Variants in PPFIA2 observed in about 807,000 individuals in gnomAD.
The protein encoded by PPFIA2 is liprin-alpha-2.
PPFIA2 carries 46 observed loss-of-function variants against 175.5 expected under a neutral mutation model. That is an observed-to-expected ratio of 0.26 (90% CI 0.21 to 0.34). The LOEUF (loss-of-function observed/expected upper bound fraction) is 0.34, where lower values mean the gene tolerates loss of function less well. PPFIA2 is among the 10% of genes least tolerant of loss of function. PPFIA2 has a pLI of 1.00. For synonymous variants in PPFIA2, 568 were observed against 511.4 expected (o/e 1.11, Z -1.49); for missense variants, 1,179 against 1,506.1 (o/e 0.78, Z 3.60).
Position 81,531,008 on chromosome 12 carries a change from GTTGT to G in PPFIA2, c.304-73146_304-73143del, listed in dbSNP as rs534185298. Among the ~76,000 whole-genome samples, 23 of 151,910 alleles carry G rather than the reference GTTGT, an allele frequency of 1.5e-4. 1 individual carries two copies. In the South Asian group the frequency reaches 4.6e-3, roughly 30 times the overall value. Reference sequence around the variant, plus strand: ...TCTGATTTCCCTTTTAATTATCTAAGTTGTTTGACAGACAACATCATAATAAATT... The same window carrying G: ...TCTGATTTCCCTTTTAATTATCTAAGTTGACAGACAACATCATAATAAATT... On this transcript the variant is annotated intron_variant, in intron 4 of 32. Transcript: ENST00000549396.
Position 81,347,611 on chromosome 12 carries a change from G to A in PPFIA2, c.2154C>T (p.Pro718=), listed in dbSNP as rs1481733902. 1.2e-6 allele frequency: 2 copies of A among 1,613,690 alleles called. No homozygotes were observed. Among genetic ancestry groups the A allele is most frequent in the Non-Finnish European group, 1.7e-6 (2 of 1,179,792 alleles). Residue 718 remains proline, a synonymous_variant, in exon 18 of 33, where the codon CCC becomes CCT. Transcript: ENST00000549396. ...GCTTTGGAGTTGAGTGTCCACTGGG[G>A]GGAGATGAACTGGCCAGCGATGAAG... ...VTASSLASSS[P]PSGHSTPKLT... is the part of the protein sequence containing the mutation.
At chr12:81,670,370 C>A (rs531285694) in intron 4 of PPFIA2, among the ~76,000 whole-genome samples, 24 of 151,838 alleles carry the variant, frequency 1.6e-4, no homozygotes, top group Non-Finnish European at 3.1e-4. Context: ...AACACTGTGG[C>A]CTCCCGGTTC....
intron 3 of PPFIA2, among the ~76,000 whole-genome samples, chr12:81,683,685 C>T (rs1346946214): frequency 6.6e-6 from 1 of 152,030 alleles, no homozygotes; most frequent in Non-Finnish European, 1.5e-5. Flanking sequence ...AGGCCTTTGC[C>T]CATGCTTTTC....
At chr12:81,634,387 T>C (rs538396252) in intron 4 of PPFIA2, among the ~76,000 whole-genome samples, 1 of 152,182 alleles carries the variant, frequency 6.6e-6, no homozygotes, top group South Asian at 2.1e-4. Flanking sequence ...ATGTTTGAGC[T>C]GTTTCATTTT....
At chr12:81,612,282 C>T (rs971215711) in intron 4 of PPFIA2, among the ~76,000 whole-genome samples, 3 of 152,090 alleles carry the variant, frequency 2.0e-5, no homozygotes, top group Non-Finnish European at 2.9e-5. Context: ...CTTTCACTCA[C>T]TCACTTGTAG....
intron 22 of PPFIA2, among the ~76,000 whole-genome samples, chr12:81,321,153 A>G (rs1921045): frequency 0.36 from 54,404 of 151,720 alleles, 10,649 homozygotes; most frequent in East Asian, 0.54. Flanking sequence ...AAGAAGAGCC[A>G]TAACTTCAAA....
At chr12:81,552,674 A>C (rs971373019) in intron 4 of PPFIA2, among the ~76,000 whole-genome samples, 1 of 152,042 alleles carries the variant, frequency 6.6e-6, no homozygotes, top group African/African-American at 2.4e-5. Context: ...GCTTTCCAAA[A>C]TGATAATAAT....
At chr12:81,647,621 C>T (rs1054329263) in intron 4 of PPFIA2, among the ~76,000 whole-genome samples, 50 of 150,960 alleles carry the variant, frequency 3.3e-4, no homozygotes, top group Admixed American at 1.9e-3. Context: ...ATTAGCCGGG[C>T]GTGGTGGCGG....
intron 22 of PPFIA2, among the ~76,000 whole-genome samples, chr12:81,301,543 T>G (rs1997441): frequency 0.91 from 138,121 of 152,136 alleles, 63,406 homozygotes; most frequent in South Asian, 0.98. Context: ...GAGTGATCCT[T>G]TTGAGTCTGA....
At position 81,358,277 on chromosome 12, in the gene PPFIA2, T is replaced by C; in HGVS notation, c.1638-60A>G. ...TCAAAAATTAAACTTACCAGGAAATTACTATCTGCTGTTTTACTGGCAATA... is the reference window on the plus strand; with the variant it reads ...TCAAAAATTAAACTTACCAGGAAATCACTATCTGCTGTTTTACTGGCAATA... On this transcript the variant is annotated intron_variant, in intron 15 of 32. Coordinates refer to ENST00000549396, the MANE Select transcript of PPFIA2 (RefSeq NM_003625.5). 3 of 1,455,274 alleles carry C rather than the reference T, an allele frequency of 2.1e-6. No individual in the cohort carries two copies. In the Middle Eastern group the frequency reaches 6.1e-4, roughly 297 times the overall value. The allele number at this position is 1,455,274 out of a possible 1,614,324, so 90.1% of individuals were successfully genotyped here. A position where few individuals can be genotyped will look rare whatever the true frequency, so the allele number is the denominator to read the frequency against.
At chr12:81,268,517 C>T (rs1347449426) in intron 28 of PPFIA2, among the ~76,000 whole-genome samples, 1 of 152,186 alleles carries the variant, frequency 6.6e-6, no homozygotes, top group Non-Finnish European at 1.5e-5. Context: ...GATTCATCCA[C>T]ACTCTAATCC....
At chr12:81,369,300 CAT>C in intron 11 of PPFIA2, 106 bp from the exon 12 acceptor site, 1 of 1,529,020 alleles carries the variant, frequency 6.5e-7, no homozygotes. Context: ...CAACTGCAAA[CAT>C]AGTTTTTAAA....
chr12:81,710,651 A>G (rs1194337256), intron 3 of PPFIA2, among the ~76,000 whole-genome samples: 3 of 151,754 alleles, frequency 2.0e-5, no homozygotes, highest in Admixed American at 1.3e-4. Context: ...AAGTCTAAAC[A>G]CAAAATTCAT....
At chr12:81,666,978 A>G (rs779051613) in intron 4 of PPFIA2, among the ~76,000 whole-genome samples, 1 of 152,234 alleles carries the variant, frequency 6.6e-6, no homozygotes, top group Non-Finnish European at 1.5e-5. Flanking sequence ...ACAATATTGT[A>G]TACTTTCTAT....
intron 4 of PPFIA2, among the ~76,000 whole-genome samples, chr12:81,665,868 G>A (rs2070122946): frequency 6.6e-6 from 1 of 152,016 alleles, no homozygotes; most frequent in Non-Finnish European, 1.5e-5. Flanking sequence ...CTACTCATCT[G>A]ACAAAGGGCT....
chr12:81,603,134 T>C (rs2059955133), intron 4 of PPFIA2, among the ~76,000 whole-genome samples: 1 of 151,846 alleles, frequency 6.6e-6, no homozygotes, highest in Admixed American at 6.6e-5. Context: ...AAAAATTCAG[T>C]GACCACGCTG....
intron 4 of PPFIA2, among the ~76,000 whole-genome samples, chr12:81,646,154 G>C (rs550478310): frequency 1.8e-4 from 27 of 152,216 alleles, no homozygotes; most frequent in African/African-American, 6.5e-4. Context: ...CTTTACAGTA[G>C]GAAAAGCCAT....
At chr12:81,485,087 G>T (rs1301435062) in intron 4 of PPFIA2, among the ~76,000 whole-genome samples, 1 of 151,726 alleles carries the variant, frequency 6.6e-6, no homozygotes, top group East Asian at 1.9e-4. Context: ...AGGCCAAAAG[G>T]AAATCACTAG....
At chr12:81,550,732 C>T (rs1259227699) in intron 4 of PPFIA2, among the ~76,000 whole-genome samples, 1 of 151,662 alleles carries the variant, frequency 6.6e-6, no homozygotes, top group Non-Finnish European at 1.5e-5. Flanking sequence ...ACTCAAGGTG[C>T]CATTAAAACA....
Sources: gnomAD v4.1 joint callset for allele counts (sites outside exome capture counted in the v4.1 genomes callset) on GRCh38, gnomAD v4.1.1 for gene constraint, MANE v1.5 for transcripts, NCBI Gene and HGNC (gene_info 2026-07-23, HGNC 2026-07-21) for gene names.